The following DNAJC10 variants were observed in gnomAD, a reference collection of about 807,000 sequenced individuals.
DNAJC10 encodes the protein endoplasmic reticulum disulfide reductase DNAJC10.
DNAJC10 carries 101 observed loss-of-function variants against 115.0 expected under a neutral mutation model. That is an observed-to-expected ratio of 0.88 (90% CI 0.75 to 1.04). The LOEUF is 1.04. DNAJC10 is among the 50% of genes least tolerant of loss of function. The pLI is 0.00. For synonymous variants in DNAJC10, 307 were observed against 301.5 expected, an observed-to-expected ratio of 1.02 and a Z score of -0.19; for missense variants, 981 against 928.8, an observed-to-expected ratio of 1.06 and a Z score of -0.73.
intron 22 of DNAJC10, among the ~76,000 whole-genome samples, chr2:182,763,406 A>C (rs1412344868): frequency 6.6e-6 from 1 of 152,134 alleles, no homozygotes; most frequent in African/African-American, 2.4e-5. Context: ...AGACAATTCC[A>C]GCTGAACGGG....
Position 182,793,311 on chromosome 2 carries a change from CT to C in DNAJC10, c.*16182del, listed in dbSNP as rs1422196186. ...GGGCTTTGCAGGTCACTTGTAAGGACTTTAGCTTTCTAACTTTTGTAAGGAC... is the reference window on the plus strand; with the variant it reads ...GGGCTTTGCAGGTCACTTGTAAGGACTTAGCTTTCTAACTTTTGTAAGGAC... On this transcript the variant is annotated 3_prime_UTR_variant, in exon 24 of 24. Transcript: ENST00000264065. The C allele has an allele frequency of 6.6e-6, 1 of 152,126 alleles. No homozygotes were observed. Among genetic ancestry groups the C allele is most frequent in the African/African-American group, 2.4e-5 (1 of 41,436 alleles). 9.4% of individuals were successfully genotyped at this position (152,126 alleles called of 1,614,324 possible). A position where few individuals can be genotyped will look rare whatever the true frequency, so the allele number is the denominator to read the frequency against.
chr2:182,788,526 A>G lies in DNAJC10; in HGVS notation c.*11394A>G. 4.7e-6 allele frequency: 1 copy of G among 212,036 alleles called. No individual in the cohort carries two copies. Among genetic ancestry groups the G allele is most frequent in the South Asian group, 7.1e-5 (1 of 14,116 alleles). 13.1% of individuals were successfully genotyped at this position (212,036 alleles called of 1,614,324 possible). A position where few individuals can be genotyped will look rare whatever the true frequency, so the allele number is the denominator to read the frequency against. ...AGTAAAAACAAAATGTATAAAAAGT[A>G]TTAAAATTTGAAAAATATCTTGGAA... On this transcript the variant is annotated 3_prime_UTR_variant, in exon 24 of 24. Transcript: ENST00000264065.
chr2:182,750,592 A>C (rs912352943), intron 14 of DNAJC10, among the ~76,000 whole-genome samples: 1 of 152,222 alleles, frequency 6.6e-6, no homozygotes, highest in Non-Finnish European at 1.5e-5. Flanking sequence ...TTGTACAAAC[A>C]TCAGAGAGTG....
intron 23 of DNAJC10, 96 bp from the exon 24 acceptor site, chr2:182,777,025 A>G (rs892525176): frequency 1.3e-6 from 1 of 798,918 alleles, no homozygotes; most frequent in African/African-American, 1.8e-5. Context: ...GTATTTCTGA[A>G]AAAGTAAAAT....
At position 182,786,140 on chromosome 2, in the gene DNAJC10, C is replaced by T. The variant is rs902826062; in HGVS notation, c.*9008C>T. The T allele has an allele frequency of 2.6e-5, 4 of 151,972 alleles. No individual in the cohort carries two copies. Among genetic ancestry groups the T allele is most frequent in the African/African-American group, 9.7e-5 (4 of 41,360 alleles). 9.4% of individuals were successfully genotyped at this position (151,972 alleles called of 1,614,324 possible). A position where few individuals can be genotyped will look rare whatever the true frequency, so the allele number is the denominator to read the frequency against. On this transcript the variant is annotated 3_prime_UTR_variant, in exon 24 of 24. Transcript: ENST00000264065. ...AATAACAGTTTTAATTTCAGAAACG[C>T]AAAATATTGTTTTTACAACTAAGAT...
At chr2:182,738,551 T>G (rs1365151502) in intron 11 of DNAJC10, among the ~76,000 whole-genome samples, 1 of 152,032 alleles carries the variant, frequency 6.6e-6, no homozygotes, top group Non-Finnish European at 1.5e-5. Context: ...TTTTTGGTTT[T>G]TTTTTTTGAG....
chr2:182,716,346 C>T lies in DNAJC10; in HGVS notation c.-341C>T, dbSNP rs1164584517. 1 of 152,280 alleles carries T rather than the reference C, an allele frequency of 6.6e-6. No homozygotes were observed. The highest frequency in any genetic ancestry group is 6.5e-5 in the Admixed American group (1 of 15,292). The allele number at this position is 152,280 out of a possible 1,614,324, so 9.4% of individuals were successfully genotyped here. On this transcript the variant is annotated 5_prime_UTR_variant, in exon 1 of 24. Transcript: ENST00000264065. ...CCGGTGTGGCTGCACCTCACCAATC[C>T]CGTGCGCCGCGGCTGGGCCGTCGGA... is the stretch of plus-strand genomic sequence containing the variant.
chr2:182,731,205 G>A (rs2105625187), intron 9 of DNAJC10, 98 bp downstream of exon 9: 1 of 772,624 alleles, frequency 1.3e-6, no homozygotes, highest in African/African-American at 1.8e-5. Flanking sequence ...TTAAGTACTA[G>A]AAACTACAAT....
intron 5 of DNAJC10, among the ~76,000 whole-genome samples, chr2:182,724,258 C>T (rs1693226766): frequency 6.6e-6 from 1 of 152,080 alleles, no homozygotes; most frequent in Non-Finnish European, 1.5e-5. Context: ...TTAATACATA[C>T]TTGCTAAAAT....
In DNAJC10 at chr2:182,792,687, G is replaced by A. The variant is rs887221113; in HGVS notation, c.*15555G>A. 1 of 152,134 alleles carries A rather than the reference G, an allele frequency of 6.6e-6. No individual in the cohort carries two copies. Among genetic ancestry groups the A allele is most frequent in the Non-Finnish European group, 1.5e-5 (1 of 68,030 alleles). The allele number at this position is 152,134 out of a possible 1,614,324, so 9.4% of individuals were successfully genotyped here. ...GTGTGAAGTTAGACTCAATTCTTCC[G>A]CTAATGGAACATCGTAATCCTCCTT... On this transcript the variant is annotated 3_prime_UTR_variant, in exon 24 of 24. Transcript: ENST00000264065.
At chr2:182,739,668 A>G in intron 11 of DNAJC10, 1 of 1,063,586 alleles carries the variant, frequency 9.4e-7, no homozygotes, top group Non-Finnish European at 1.1e-6. Context: ...TTTGTGTTTT[A>G]AATAAGAGAC....
At chr2:182,754,863 G>A (rs1317513920) in intron 16 of DNAJC10, 140 bp from the exon 17 acceptor site, 2 of 1,349,758 alleles carry the variant, frequency 1.5e-6, no homozygotes, top group Non-Finnish European at 2.0e-6. Flanking sequence ...AATTTGGTGA[G>A]ACTAAAATTT....
intron 5 of DNAJC10, among the ~76,000 whole-genome samples, chr2:182,727,925 T>C (rs1270257415): frequency 6.6e-6 from 1 of 152,244 alleles, no homozygotes; most frequent in Non-Finnish European, 1.5e-5. Flanking sequence ...CTAGATATTA[T>C]ATGTTGTTCA....
chr2:182,751,239 G>T (rs1574942303), intron 14 of DNAJC10, among the ~76,000 whole-genome samples: 1 of 142,386 alleles, frequency 7.0e-6, no homozygotes, highest in Non-Finnish European at 1.5e-5. Flanking sequence ...GGTTCAAGCA[G>T]TTCTCCTGCC....
chr2:182,772,981 T>C (rs1274167538), intron 22 of DNAJC10, among the ~76,000 whole-genome samples: 3 of 152,236 alleles, frequency 2.0e-5, no homozygotes, highest in Non-Finnish European at 4.4e-5. Flanking sequence ...CTGGTTCCAG[T>C]TGTTTCTTCC....
rs750141880 is a variant in DNAJC10, at chr2:182,741,258, C to G, written c.1093C>G (p.His365Asp). 6.9e-6 allele frequency: 11 copies of G among 1,602,964 alleles called. No individual in the cohort carries two copies. Among genetic ancestry groups the G allele is most frequent in the East Asian group, 2.3e-5 (1 of 44,216 alleles). Residue 365 changes from histidine (H) to aspartate (D), a missense_variant, in exon 13 of 24, where the codon CAT becomes GAT. Transcript: ENST00000264065. ...ANTLEDRLAH[H>D]RWLLFFHFGK... ...CACTTTTAAGGATCGTTTGGCTCAT[C>G]ATCGGTGGCTGTTATTTTTTCATTT...
intron 18 of DNAJC10, 80 bp downstream of exon 18, chr2:182,756,549 G>A: frequency 7.4e-7 from 1 of 1,349,250 alleles, no homozygotes; most frequent in Non-Finnish European, 1.0e-6. Flanking sequence ...AAACGGATGT[G>A]AATGAACCCA....
intron 17 of DNAJC10, 72 bp downstream of exon 17, chr2:182,755,176 A>G (rs1694126367): frequency 1.1e-6 from 1 of 910,030 alleles, no homozygotes; most frequent in Non-Finnish European, 1.8e-6. Flanking sequence ...AATGTTTCAT[A>G]TTGTTTAATA....
chr2:182,791,694 T>C lies in DNAJC10; in HGVS notation c.*14562T>C, dbSNP rs974505459. ...TTTTCTGTTTAATAAATCCAGTATTTGGGCATACAAACTGTATACAACATT... is the reference window on the plus strand; with the variant it reads ...TTTTCTGTTTAATAAATCCAGTATTCGGGCATACAAACTGTATACAACATT... On this transcript the variant is annotated 3_prime_UTR_variant, in exon 24 of 24. Coordinates refer to ENST00000264065, the MANE Select transcript of DNAJC10 (RefSeq NM_018981.4). 3.9e-5 allele frequency: 6 copies of C among 152,192 alleles called. No homozygotes were observed. The highest frequency in any genetic ancestry group is 7.2e-5 in the African/African-American group (3 of 41,460). The allele number at this position is 152,192 out of a possible 1,614,324, so 9.4% of individuals were successfully genotyped here. A position where few individuals can be genotyped will look rare whatever the true frequency, so the allele number is the denominator to read the frequency against.
Sources: gnomAD v4.1 joint callset for allele counts (sites outside exome capture counted in the v4.1 genomes callset) on GRCh38, gnomAD v4.1.1 for gene constraint, MANE v1.5 for transcripts, NCBI Gene and HGNC (gene_info 2026-07-23, HGNC 2026-07-21) for gene names.